The following SRL variants were observed in gnomAD, a reference collection of about 807,000 sequenced individuals.
SRL encodes the protein sarcalumenin.
Under a neutral mutation model 39.5 loss-of-function variants are expected in SRL, and 23 were observed. The observed-to-expected ratio is 0.58, with a 90% CI of 0.42 to 0.82. The LOEUF (loss-of-function observed/expected upper bound fraction) is 0.82. Ranked by LOEUF, SRL falls within the 40% of genes least tolerant of loss-of-function variation. The pLI is 0.00. For missense variants in SRL, 592 were observed against 607.8 expected (o/e 0.97, Z 0.27); for synonymous variants, 272 against 237.4 (o/e 1.15, Z -1.34).
Position 4,228,329 on chromosome 16 carries a change from C to T in SRL, c.61+13678G>A, listed in dbSNP as rs529496876. Among the ~76,000 whole-genome samples, 27 of 152,302 alleles carry T rather than the reference C, an allele frequency of 1.8e-4. No homozygotes were observed. The East Asian group carries it at 4.1e-3, about 23-fold the overall frequency. On this transcript the variant is annotated intron_variant, in intron 1 of 5. Coordinates refer to ENST00000399609, the MANE Select transcript of SRL (RefSeq NM_001098814.2). ...GCGCATGCCTGTAATCCCAGCTACTCGGGAGGCTGAGGCAGAGAACTGCTT... is the reference window on the plus strand; with the variant it reads ...GCGCATGCCTGTAATCCCAGCTACTTGGGAGGCTGAGGCAGAGAACTGCTT...
chr16:4,207,070 G>T (rs1332576848), intron 1 of SRL: 1 of 453,326 alleles, frequency 2.2e-6, no homozygotes, highest in Non-Finnish European at 4.4e-6. Context: ...CCTTCCTGGG[G>T]CTCCCTGGCT....
At chr16:4,233,704 A>C (rs2052683241) in intron 1 of SRL, among the ~76,000 whole-genome samples, 1 of 152,064 alleles carries the variant, frequency 6.6e-6, no homozygotes, top group Non-Finnish European at 1.5e-5. Flanking sequence ...GGGCTGAGAG[A>C]TGGGCCTCAC....
Position 4,193,312 on chromosome 16 carries a change from C to T in SRL, c.611-348G>A, listed in dbSNP as rs1029113338. Among the ~76,000 whole-genome samples, 5 of 152,246 alleles carry T rather than the reference C, an allele frequency of 3.3e-5. No homozygotes were observed. In the East Asian group the frequency reaches 9.7e-4, roughly 29 times the overall value. On this transcript the variant is annotated intron_variant, in intron 5 of 5. Coordinates refer to ENST00000399609, the MANE Select transcript of SRL (RefSeq NM_001098814.2). ...CCTCCCAAAGTGCTGGGGTAATAGG[C>T]GTGAGCCACCATGCCCCACCTGATC...
chr16:4,211,923 T>C (rs79281471), intron 1 of SRL, among the ~76,000 whole-genome samples: 3,019 of 152,248 alleles, frequency 0.02, 93 homozygotes, highest in African/African-American at 0.065. Flanking sequence ...GTGGTGATAA[T>C]GATACTGAGT....
chr16:4,190,119 T>A lies in SRL; in HGVS notation c.*2034A>T, dbSNP rs1285617041. On this transcript the variant is annotated 3_prime_UTR_variant, in exon 6 of 6. Transcript: ENST00000399609. ...ACATTGTCCTGAGTGCCCTGGAACC[T>A]CGGGTGTTCTTGTGGAAGGGTCCAG... 1 of 397,242 alleles carries A rather than the reference T, an allele frequency of 2.5e-6. No individual in the cohort carries two copies. Among genetic ancestry groups the A allele is most frequent in the African/African-American group, 2.1e-5 (1 of 48,604 alleles). 24.6% of individuals were successfully genotyped at this position (397,242 alleles called of 1,614,324 possible). A position where few individuals can be genotyped will look rare whatever the true frequency, so the allele number is the denominator to read the frequency against.
At chr16:4,197,083 T>TA (rs71139620) in intron 4 of SRL, among the ~76,000 whole-genome samples, 1 of 69,792 alleles carries the variant, frequency 1.4e-5, no homozygotes, top group Admixed American at 1.6e-4. Flanking sequence ...TTTTTTTTTT[T>TA]TGTGAGACAG....
rs374732804 is a variant in SRL, at chr16:4,242,060, G to A, written c.8C>T (p.Ala3Val). The stretch of plus-strand genomic sequence containing the variant: ...CAGGAGGCAGCCGAGCAGGACCAGC[G>A]CCCTCATGGTGACTGCCAAGAGAGC... MRALVLLGCLLAS... is the reference protein window; with the variant it reads MRVLVLLGCLLAS... Residue 3 changes from alanine to valine, a missense_variant, in exon 1 of 6, where the codon GCG becomes GTG. Coordinates refer to ENST00000399609, the MANE Select transcript of SRL (RefSeq NM_001098814.2). 3.5e-5 allele frequency: 57 copies of A among 1,611,622 alleles called. No homozygotes were observed. Among genetic ancestry groups the A allele is most frequent in the South Asian group, 2.0e-4 (18 of 90,716 alleles).
chr16:4,220,850 G>A (rs536767156), intron 1 of SRL, among the ~76,000 whole-genome samples: 2 of 151,440 alleles, frequency 1.3e-5, no homozygotes, highest in South Asian at 2.1e-4. Context: ...GCTGGGCCTC[G>A]CGGTATGCTC....
intron 1 of SRL, among the ~76,000 whole-genome samples, chr16:4,236,533 T>A (rs1344714264): frequency 6.6e-6 from 1 of 152,068 alleles, no homozygotes; most frequent in Non-Finnish European, 1.5e-5. Context: ...CGTAAATGAA[T>A]CTCACTCCTA....
Position 4,203,217 on chromosome 16 carries a change from G to C in SRL, c.208C>G (p.Pro70Ala). Residue 70 changes from proline (P) to alanine (A), a missense_variant, in exon 3 of 6, where the codon CCT becomes GCT. Physicochemically the swap from Pro to Ala is conservative, Grantham distance 27. Coordinates refer to ENST00000399609, the MANE Select transcript of SRL (RefSeq NM_001098814.2). ...TTGTACTTGTAGGACTGCTCCAGAGGCTTGATGGATGAGTGGTAGATCTTC... is the reference window on the plus strand; with the variant it reads ...TTGTACTTGTAGGACTGCTCCAGAGCCTTGATGGATGAGTGGTAGATCTTC... ...LRKIYHSSIKPLEQSYKYNEL... is the reference protein window; with the variant it reads ...LRKIYHSSIKALEQSYKYNEL... 6 of 1,614,216 alleles carry C rather than the reference G, an allele frequency of 3.7e-6. No homozygotes were observed. The highest frequency in any genetic ancestry group is 5.1e-6 in the Non-Finnish European group (6 of 1,180,030).
At chr16:4,214,056 G>A (rs1597282473) in intron 1 of SRL, among the ~76,000 whole-genome samples, 1 of 152,156 alleles carries the variant, frequency 6.6e-6, no homozygotes, top group South Asian at 2.1e-4. Context: ...TGTTTCACAA[G>A]GGGATTCTAC....
intron 1 of SRL, chr16:4,206,934 GCTTCCTGGGGATCCCCAC>G (rs2052327023): frequency 4.4e-6 from 2 of 455,952 alleles, no homozygotes. Context: ...GGGCTCCCTG[GCTTCCTGGGGATCCCCAC>G]CTTCCTGGGG....
intron 1 of SRL, among the ~76,000 whole-genome samples, chr16:4,227,499 G>A (rs1485838930): frequency 6.6e-6 from 1 of 151,434 alleles, no homozygotes; most frequent in Non-Finnish European, 1.5e-5. Context: ...TGAGTGGATG[G>A]GATGAATGGG....
rs1273379072 is a variant in SRL, at chr16:4,189,641, A to C, written c.*2512T>G. 1.3e-5 allele frequency: 2 copies of C among 152,336 alleles called. No individual in the cohort carries two copies. Among genetic ancestry groups the C allele is most frequent in the Non-Finnish European group, 2.9e-5 (2 of 68,164 alleles). 9.4% of individuals were successfully genotyped at this position (152,336 alleles called of 1,614,324 possible). ...CCTGTGAGCAGCAGAGACAAGAGAA[A>C]TCAGAGAAGGAACACGAAAAGGAAA... is the stretch of plus-strand genomic sequence containing the variant. On this transcript the variant is annotated 3_prime_UTR_variant, in exon 6 of 6. Transcript: ENST00000399609.
intron 1 of SRL, among the ~76,000 whole-genome samples, chr16:4,209,953 TTCCTGCTGGAATCTCAGC>T (rs914716229): frequency 1.3e-5 from 2 of 152,170 alleles, no homozygotes; most frequent in African/African-American, 4.8e-5. Context: ...AGGGGACCCC[TTCCTGCTGGAATCTCAGC>T]TCCTGCCTGC....
chr16:4,220,881 G>A (rs965338199), intron 1 of SRL, among the ~76,000 whole-genome samples: 14 of 151,934 alleles, frequency 9.2e-5, no homozygotes, highest in Non-Finnish European at 2.1e-4. Context: ...AGCTACTCAG[G>A]AGACTGAGGC....
At chr16:4,231,725 G>T (rs1031454213) in intron 1 of SRL, among the ~76,000 whole-genome samples, 3 of 152,168 alleles carry the variant, frequency 2.0e-5, no homozygotes, top group African/African-American at 7.2e-5. Context: ...CTGAGCAGGG[G>T]AGGCGTGTTG....
At chr16:4,238,448 G>C (rs1199454436) in intron 1 of SRL, among the ~76,000 whole-genome samples, 1 of 152,158 alleles carries the variant, frequency 6.6e-6, no homozygotes, top group South Asian at 2.1e-4. Flanking sequence ...GGCCTCATCT[G>C]GACCTCCCTC....
chr16:4,235,216 G>A (rs1364008678), intron 1 of SRL, among the ~76,000 whole-genome samples: 4 of 152,198 alleles, frequency 2.6e-5, no homozygotes, highest in African/African-American at 9.6e-5. Flanking sequence ...TCCCTGAGAA[G>A]ACAGGACTCC....
Sources: gnomAD v4.1 joint callset for allele counts (sites outside exome capture counted in the v4.1 genomes callset) on GRCh38, gnomAD v4.1.1 for gene constraint, MANE v1.5 for transcripts, NCBI Gene and HGNC (gene_info 2026-07-23, HGNC 2026-07-21) for gene names.